The following COA1 variants were observed in gnomAD, a reference collection of about 807,000 sequenced individuals.
The protein encoded by COA1 is cytochrome c oxidase assembly factor 1 homolog.
Under a neutral mutation model 16.0 loss-of-function variants are expected in COA1, and 13 were observed. That is an observed-to-expected ratio of 0.81 (90% CI 0.53 to 1.29). COA1 has a LOEUF of 1.29. Among genes scored for constraint, COA1 ranks in the 50% most tolerant of loss-of-function variants. The probability of loss-of-function intolerance (pLI) is 0.00; values close to 1 mark genes in which losing one functional copy is unlikely to be tolerated. For synonymous variants in COA1, 65 were observed against 65.7 expected (o/e 0.99, Z 0.05); for missense variants, 179 against 177.0 (o/e 1.01, Z -0.06).
chr7:43,689,544 G>A (rs2094182666), intron 1 of COA1, among the ~76,000 whole-genome samples: 1 of 152,108 alleles, frequency 6.6e-6, no homozygotes, highest in Non-Finnish European at 1.5e-5. Context: ...AAAAATGAAG[G>A]CAAAATAAAT....
At chr7:43,696,825 T>C (rs1043094505) in intron 1 of COA1, among the ~76,000 whole-genome samples, 1 of 146,622 alleles carries the variant, frequency 6.8e-6, no homozygotes, top group South Asian at 2.1e-4. Flanking sequence ...TTTCTTTCTT[T>C]ACAAAAAAGA....
At chr7:43,707,179 G>A (rs2095022445) in intron 1 of COA1, among the ~76,000 whole-genome samples, 1 of 152,180 alleles carries the variant, frequency 6.6e-6, no homozygotes, top group Non-Finnish European at 1.5e-5. Context: ...GAATTTTCAA[G>A]GGCAAAGCCT....
At chr7:43,676,438 G>A (rs2093521185) in intron 1 of COA1, among the ~76,000 whole-genome samples, 1 of 152,174 alleles carries the variant, frequency 6.6e-6, no homozygotes, top group Admixed American at 6.5e-5. Context: ...ATGAAATCCT[G>A]TCATTCACAG....
intron 1 of COA1, among the ~76,000 whole-genome samples, chr7:43,718,993 A>G (rs1475304872): frequency 1.4e-5 from 2 of 140,386 alleles, no homozygotes; most frequent in South Asian, 2.2e-4. Flanking sequence ...TTTTTTTGAG[A>G]TGGAGTCTCA....
chr7:43,673,808 T>C (rs1197177094), intron 1 of COA1, among the ~76,000 whole-genome samples: 1 of 152,138 alleles, frequency 6.6e-6, no homozygotes, highest in Non-Finnish European at 1.5e-5. Context: ...GAATAATATG[T>C]AGCCATAAAA....
In COA1 at chr7:43,647,557, G is replaced by A; in HGVS notation, c.93C>T (p.Ala31=). The part of the protein sequence containing the change: ...FHGVFYAGGF[A]IVYYLIQKFH... ...TACTTTGAATGAGGTAATACACAATGGCAAAGCCCCCGGCATAGAACACAC... is the reference window on the plus strand; with the variant it reads ...TACTTTGAATGAGGTAATACACAATAGCAAAGCCCCCGGCATAGAACACAC... Residue 31 remains alanine, a synonymous_variant, in exon 3 of 6, where the codon GCC becomes GCT. Transcript: ENST00000223336. The A allele has an allele frequency of 6.2e-7, 1 of 1,613,888 alleles. No individual in the cohort carries two copies. Among genetic ancestry groups the A allele is most frequent in the Non-Finnish European group, 8.5e-7 (1 of 1,179,742 alleles).
At chr7:43,687,842 G>A (rs2094110147) in intron 1 of COA1, among the ~76,000 whole-genome samples, 1 of 152,004 alleles carries the variant, frequency 6.6e-6, no homozygotes, top group Non-Finnish European at 1.5e-5. Context: ...TTAACAGGCA[G>A]TGATATGGTT....
chr7:43,681,081 C>T (rs1484977798), intron 1 of COA1, among the ~76,000 whole-genome samples: 1 of 152,248 alleles, frequency 6.6e-6, no homozygotes, highest in East Asian at 1.9e-4. Context: ...CAGTATGGCA[C>T]TTCTCTGTCT....
rs576020984 is a variant in COA1 at position 43,616,000 on chromosome 7, C to T, written c.*134-6505G>A. 2.7e-4 allele frequency among the ~76,000 whole-genome samples: 41 copies of T among 152,286 alleles called. No individual in the cohort carries two copies. In the South Asian group the frequency reaches 6.8e-3, roughly 25 times the overall value. ...TTTGAGTTCCCCATAGTGCTTAAAG[C>T]GACCTGAGGTGTACTTATTTGTCTT... On this transcript the variant is annotated intron_variant and NMD_transcript_variant, in intron 6 of 6. Coordinates refer to the COA1 transcript ENST00000415076.
intron 6 of COA1, chr7:43,625,805 C>CT (rs2084462315): frequency 6.6e-6 from 1 of 151,616 alleles, no homozygotes; most frequent in East Asian, 1.9e-4. Context: ...CAGCCTGTTT[C>CT]TGCTGAGTTT....
At chr7:43,720,423 T>TCCC (rs1408323089) in intron 1 of COA1, among the ~76,000 whole-genome samples, 1 of 152,190 alleles carries the variant, frequency 6.6e-6, no homozygotes, top group Non-Finnish European at 1.5e-5. Context: ...ATCAACATGG[T>TCCC]CCCCTTCCTT....
intron 1 of COA1, among the ~76,000 whole-genome samples, chr7:43,707,750 A>G (rs1229700064): frequency 2.6e-5 from 4 of 152,166 alleles, no homozygotes; most frequent in Non-Finnish European, 5.9e-5. Flanking sequence ...ATGTATAATA[A>G]TTTACTTACT....
chr7:43,694,094 A>G (rs745686097), intron 1 of COA1, among the ~76,000 whole-genome samples: 2 of 149,718 alleles, frequency 1.3e-5, no homozygotes, highest in Admixed American at 1.3e-4. Context: ...CTATGGATGC[A>G]TGCTCTGTGC....
intron 1 of COA1, among the ~76,000 whole-genome samples, chr7:43,659,634 T>A (rs965657719): frequency 6.6e-6 from 1 of 152,194 alleles, no homozygotes; most frequent in African/African-American, 2.4e-5. Flanking sequence ...CAATTTGGTA[T>A]CAGTGACTAC....
chr7:43,637,041 G>C (rs967175611), downstream of COA1, among the ~76,000 whole-genome samples: 1 of 152,176 alleles, frequency 6.6e-6, no homozygotes, highest in Non-Finnish European at 1.5e-5. Context: ...CCATCTGCCC[G>C]CTCTGGGGCC....
intron 6 of COA1, among the ~76,000 whole-genome samples, chr7:43,619,202 G>A (rs1462378326): frequency 1.3e-5 from 2 of 152,154 alleles, no homozygotes; most frequent in African/African-American, 4.8e-5. Flanking sequence ...TTCAGTCAAG[G>A]GGTCAGAAGA....
chr7:43,662,510 G>A (rs1185300843), intron 1 of COA1, among the ~76,000 whole-genome samples: 6 of 152,206 alleles, frequency 3.9e-5, no homozygotes, highest in South Asian at 2.1e-4. Context: ...GATTACAGGC[G>A]TGAGCCACTG....
chr7:43,610,820 AAGAAG>A (rs2152978605), intron 6 of COA1, among the ~76,000 whole-genome samples: 1 of 152,010 alleles, frequency 6.6e-6, no homozygotes, highest in African/African-American at 2.4e-5. Context: ...GCGCACTCTC[AAGAAG>A]GAGTGTACAG....
At chr7:43,684,667 T>C (rs1448759604) in intron 1 of COA1, among the ~76,000 whole-genome samples, 1 of 152,128 alleles carries the variant, frequency 6.6e-6, no homozygotes, top group African/African-American at 2.4e-5. Flanking sequence ...AAATAACATG[T>C]CTGGAAAGTA....
Sources: gnomAD v4.1 joint callset for allele counts (sites outside exome capture counted in the v4.1 genomes callset) on GRCh38, gnomAD v4.1.1 for gene constraint, MANE v1.5 for transcripts, NCBI Gene and HGNC (gene_info 2026-07-23, HGNC 2026-07-21) for gene names.